CLIC6: variants seen among roughly 807,000 people sequenced by gnomAD.
CLIC6 encodes chloride intracellular channel protein 6.
Under a neutral mutation model 49.2 loss-of-function variants are expected in CLIC6, and 39 were observed. The observed-to-expected ratio is 0.79, with a 90% CI of 0.61 to 1.04. CLIC6 has a LOEUF of 1.04. Among genes scored for constraint, CLIC6 ranks in the 50% least tolerant of loss-of-function variants. CLIC6 has a pLI of 0.00. For missense variants in CLIC6, 988 were observed against 993.1 expected, an observed-to-expected ratio of 0.99 and a Z score of 0.07; for synonymous variants, 446 against 433.4, an observed-to-expected ratio of 1.03 and a Z score of -0.36.
intron 1 of CLIC6, among the ~76,000 whole-genome samples, chr21:34,706,742 G>A (rs1252957137): frequency 3.3e-5 from 5 of 152,146 alleles, no homozygotes; most frequent in African/African-American, 2.4e-5. Context: ...ACTGTTGCTT[G>A]TATAATAGCT....
chr21:34,713,377 G>C (rs150289948), intron 5 of CLIC6, among the ~76,000 whole-genome samples: 1 of 152,312 alleles, frequency 6.6e-6, no homozygotes, highest in East Asian at 1.9e-4. Flanking sequence ...AATCAGGCTG[G>C]AAGAGCTCAA....
intron 1 of CLIC6, among the ~76,000 whole-genome samples, chr21:34,704,227 C>T (rs1260561341): frequency 6.6e-6 from 1 of 152,200 alleles, no homozygotes; most frequent in African/African-American, 2.4e-5. Context: ...AGGCCATCCT[C>T]TCCCATTATT....
rs565555067 is a variant in CLIC6, at chr21:34,691,537, A to C, written c.1375-15743A>C. 8.2e-5 allele frequency among the ~76,000 whole-genome samples: 12 copies of C among 147,220 alleles called. No individual in the cohort carries two copies. In the East Asian group the frequency reaches 2.3e-3, roughly 29 times the overall value. ...GTTTAGTAATACAGGCTTTCCTTTC[A>C]ATCTCTGTGGCCAGGAAAAAAAAAA... is the stretch of plus-strand genomic sequence containing the variant. On this transcript the variant is annotated intron_variant, in intron 1 of 5. Transcript: ENST00000349499.
chr21:34,683,680 T>G (rs1989822365), intron 1 of CLIC6, among the ~76,000 whole-genome samples: 1 of 152,174 alleles, frequency 6.6e-6, no homozygotes, highest in Admixed American at 6.5e-5. Context: ...TCTTATGAGA[T>G]CTGATGGTTT....
At chr21:34,697,186 A>G (rs1990102955) in intron 1 of CLIC6, among the ~76,000 whole-genome samples, 1 of 151,818 alleles carries the variant, frequency 6.6e-6, no homozygotes, top group Admixed American at 6.6e-5. Flanking sequence ...TGTCTGTCAC[A>G]ATTCTGGGGT....
At chr21:34,704,748 G>T (rs527532967) in intron 1 of CLIC6, among the ~76,000 whole-genome samples, 1 of 152,250 alleles carries the variant, frequency 6.6e-6, no homozygotes, top group Admixed American at 6.5e-5. Context: ...GCTCCTACCG[G>T]CTTTATTCCC....
intron 2 of CLIC6, 42 bp from the exon 3 acceptor site, chr21:34,707,902 T>G (rs749679257): frequency 1.2e-6 from 2 of 1,610,828 alleles, no homozygotes; most frequent in Admixed American, 3.3e-5. Flanking sequence ...GAGTCCAGAT[T>G]CTCACGGTGG....
chr21:34,704,421 C>T (rs1208639803), intron 1 of CLIC6, among the ~76,000 whole-genome samples: 3 of 152,130 alleles, frequency 2.0e-5, no homozygotes, highest in Non-Finnish European at 2.9e-5. Context: ...GAGCAATTTG[C>T]GATGAGGCAA....
At chr21:34,710,420 A>G (rs1215959152) in intron 5 of CLIC6, among the ~76,000 whole-genome samples, 1 of 152,230 alleles carries the variant, frequency 6.6e-6, no homozygotes, top group African/African-American at 2.4e-5. Flanking sequence ...ACATGATTTA[A>G]GAGCCATGAG....
At chr21:34,694,495 A>G (rs1383420506) in intron 1 of CLIC6, among the ~76,000 whole-genome samples, 3 of 151,590 alleles carry the variant, frequency 2.0e-5, no homozygotes, top group Non-Finnish European at 4.4e-5. Context: ...ATTTTTTTGT[A>G]GTGACAAGTT....
intron 1 of CLIC6, among the ~76,000 whole-genome samples, chr21:34,678,224 G>T (rs1989710280): frequency 6.6e-6 from 1 of 150,430 alleles, no homozygotes; most frequent in East Asian, 2.0e-4. Context: ...GAGGTCAGGA[G>T]ATTGAGACCA....
rs143913704 is a variant in CLIC6 at position 34,716,366 on chromosome 21, A to G, written c.1945A>G (p.Thr649Ala). ...YRDFEFPSEM[T>A]GIWRYLNNAY... ...AGATTTTGAATTTCCTTCTGAAATG[A>G]CTGGCATCTGGAGATACTTGAATAA... Residue 649 changes from threonine to alanine, a missense_variant, in exon 6 of 6, where the codon ACT (threonine) becomes GCT (alanine). Thr to Ala is a moderately conservative substitution (Grantham distance 58). Coordinates refer to ENST00000349499, the MANE Select transcript of CLIC6 (RefSeq NM_053277.3). 1.8e-3 allele frequency: 2,946 copies of G among 1,613,670 alleles called. 8 individuals are homozygous for G. Among genetic ancestry groups the G allele is most frequent in the Non-Finnish European group, 2.3e-3 (2,742 of 1,179,826 alleles).
At chr21:34,709,661 A>G in intron 5 of CLIC6, 123 bp downstream of exon 5, 1 of 875,752 alleles carries the variant, frequency 1.1e-6, no homozygotes, top group Non-Finnish European at 1.7e-6. Context: ...GATTAAAAAC[A>G]CTAGTTCTGT....
Position 34,669,992 on chromosome 21 carries a change from G to C in CLIC6, c.604G>C (p.Ala202Pro), listed in dbSNP as rs1368241571. 1 of 1,383,882 alleles carries C rather than the reference G, an allele frequency of 7.2e-7. No homozygotes were observed. Among genetic ancestry groups the C allele is most frequent in the Non-Finnish European group, 9.3e-7 (1 of 1,077,652 alleles). The allele number at this position is 1,383,882 out of a possible 1,614,324, so 85.7% of individuals were successfully genotyped here. A position where few individuals can be genotyped will look rare whatever the true frequency, so the allele number is the denominator to read the frequency against. The stretch of plus-strand genomic sequence containing the variant: ...AGGTCCGGCGGGGGACAGCGTAGAC[G>C]CGGAGGGCCCGCTGGGGGACAACAT... ...AEGPAGDSVDAEGPLGDNIQA... is the reference protein window; with the variant it reads ...AEGPAGDSVDPEGPLGDNIQA... Residue 202 changes from alanine (A) to proline (P), a missense_variant, in exon 1 of 6, where the codon GCG becomes CCG. Physicochemically the swap from Ala to Pro is conservative, Grantham distance 27. Coordinates refer to ENST00000349499, the MANE Select transcript of CLIC6 (RefSeq NM_053277.3).
Position 34,708,787 on chromosome 21 carries a change from G to A in CLIC6, c.1698G>A (p.Thr566=), listed in dbSNP as rs757187443. The change falls in exon 4 of 6, where the codon ACG becomes ACA. Residue 566 remains threonine, a synonymous_variant. Coordinates refer to ENST00000349499, the MANE Select transcript of CLIC6 (RefSeq NM_053277.3). ...AATTCTCAGCGTTTATAAAAAACAC[G>A]AAGAAGGATGCAAATGAGAGTGAGT... ...FAKFSAFIKN[T]KKDANEIHEK... is the part of the protein sequence containing the mutation. The A allele has an allele frequency of 1.9e-5, 31 of 1,613,206 alleles. No homozygotes were observed. The highest frequency in any genetic ancestry group is 2.5e-5 in the Non-Finnish European group (29 of 1,179,156).
At chr21:34,716,148 C>G (rs2056083886) in intron 5 of CLIC6, among the ~76,000 whole-genome samples, 173 bp from the exon 6 acceptor site, 1 of 152,154 alleles carries the variant, frequency 6.6e-6, no homozygotes, top group Non-Finnish European at 1.5e-5. Flanking sequence ...CTCCTCACAC[C>G]CAAGATGGCC....
At chr21:34,714,546 G>A (rs2056075262) in intron 5 of CLIC6, among the ~76,000 whole-genome samples, 2 of 152,062 alleles carry the variant, frequency 1.3e-5, no homozygotes, top group Admixed American at 1.3e-4. Flanking sequence ...AAATTAGCTA[G>A]GTATGGTGGT....
chr21:34,669,768 G>T lies in CLIC6; in HGVS notation c.380G>T (p.Arg127Met). 7.1e-7 allele frequency: 1 copy of T among 1,416,040 alleles called. No individual in the cohort carries two copies. Among genetic ancestry groups the T allele is most frequent in the Non-Finnish European group, 9.1e-7 (1 of 1,095,978 alleles). 87.7% of individuals were successfully genotyped at this position (1,416,040 alleles called of 1,614,324 possible). The change falls in exon 1 of 6, where the codon AGG (arginine) becomes ATG (methionine). Residue 127 changes from arginine to methionine, a missense_variant. Arg to Met is a moderately conservative substitution (Grantham distance 91). Coordinates refer to ENST00000349499, the MANE Select transcript of CLIC6 (RefSeq NM_053277.3). Reference sequence around the variant, plus strand: ...GGCGAGCCCCGCGGGGAGGCTCAGAGGGAGCCCGAGGACTCTGCGGCCCCC... The same window carrying T: ...GGCGAGCCCCGCGGGGAGGCTCAGATGGAGCCCGAGGACTCTGCGGCCCCC... Reference protein sequence around the residue: ...AQGEPRGEAQREPEDSAAPER... With the variant: ...AQGEPRGEAQMEPEDSAAPER...
intron 1 of CLIC6, among the ~76,000 whole-genome samples, chr21:34,685,300 A>G (rs1601267225): frequency 6.6e-6 from 1 of 152,178 alleles, no homozygotes; most frequent in Admixed American, 6.5e-5. Context: ...GCTGGAACAC[A>G]CAGTGATATT....
Sources: allele counts gnomAD v4.1 joint callset (sites outside exome capture counted in the v4.1 genomes callset), GRCh38; gene constraint gnomAD v4.1.1; transcripts MANE v1.5; gene names NCBI Gene and HGNC (gene_info 2026-07-23, HGNC 2026-07-21).